Variants in LVRN observed in about 807,000 individuals in gnomAD.
The protein encoded by LVRN is laeverin.
In LVRN, 99 loss-of-function variants were observed where a neutral mutation model predicts 111.4. The ratio of observed to expected loss-of-function variants is 0.89; its 90% CI spans 0.76 to 1.05. The LOEUF is 1.05. LVRN is among the 50% of genes least tolerant of loss of function. The pLI is 0.00. For missense variants in LVRN, 1,414 were observed against 1,206.8 expected (o/e 1.17, Z -2.54); for synonymous variants, 488 against 449.5 (o/e 1.09, Z -1.08).
intron 1 of LVRN, among the ~76,000 whole-genome samples, chr5:115,969,681 T>C (rs1289656749): frequency 6.6e-6 from 1 of 151,478 alleles, no homozygotes; most frequent in Non-Finnish European, 1.5e-5. Context: ...GCACCTGTAG[T>C]CCCAGCTACT....
chr5:116,013,138 C>T (rs1192242295), intron 15 of LVRN, among the ~76,000 whole-genome samples: 2 of 152,118 alleles, frequency 1.3e-5, no homozygotes, highest in Non-Finnish European at 2.9e-5. Flanking sequence ...ATTATACCTA[C>T]AACTTCTGGT....
At chr5:115,987,515 C>A (rs138095312) in intron 3 of LVRN, among the ~76,000 whole-genome samples, 2 of 152,252 alleles carry the variant, frequency 1.3e-5, no homozygotes, top group African/African-American at 2.4e-5. Flanking sequence ...AGAATCTACA[C>A]TTACTGTAGG....
chr5:115,984,407 T>C (rs185153068), intron 2 of LVRN, among the ~76,000 whole-genome samples, 163 bp from the exon 3 acceptor site: 18 of 152,256 alleles, frequency 1.2e-4, no homozygotes, highest in South Asian at 2.1e-4. Flanking sequence ...ATTTTCCTAA[T>C]GTGGTTTTGG....
rs560723781 is a variant in LVRN at position 115,990,887 on chromosome 5, A to C, written c.1106-1236A>C. ...ATGCCTGGCTAAAATGTTTAATATA[A>C]ATAGACTATTTTTAGAGCAGTTTAA... On this transcript the variant is annotated intron_variant, in intron 4 of 19. Coordinates refer to ENST00000357872, the MANE Select transcript of LVRN (RefSeq NM_173800.5). Among the ~76,000 whole-genome samples the C allele has an allele frequency of 8.9e-4, 135 of 152,290 alleles. 1 individual carries two copies. Among genetic ancestry groups the C allele is most frequent in the African/African-American group, 3.1e-3 (130 of 41,560 alleles).
Position 115,986,207 on chromosome 5 carries a change from G to T in LVRN, c.978+1498G>T, listed in dbSNP as rs548707058. ...ATTGAATAATTACTAGTAGAACCTT[G>T]TCATCTACAAATATAACACTGGCCA... On this transcript the variant is annotated intron_variant, in intron 3 of 19. Coordinates refer to ENST00000357872, the MANE Select transcript of LVRN (RefSeq NM_173800.5). 1.3e-4 allele frequency among the ~76,000 whole-genome samples: 20 copies of T among 152,272 alleles called. No individual in the cohort carries two copies. In the South Asian group the frequency reaches 3.9e-3, roughly 30 times the overall value.
At chr5:115,971,427 T>G (rs1171482789) in intron 1 of LVRN, among the ~76,000 whole-genome samples, 1 of 152,182 alleles carries the variant, frequency 6.6e-6, no homozygotes, top group Non-Finnish European at 1.5e-5. Flanking sequence ...CATAAAAACT[T>G]TCTTCTATGC....
In LVRN at chr5:116,010,677, G is replaced by A. The variant is rs542077510; in HGVS notation, c.2094-64G>A. 32 of 1,512,002 alleles carry A rather than the reference G, an allele frequency of 2.1e-5. No homozygotes were observed. The East Asian group carries it at 2.8e-4, about 13-fold the overall frequency. 93.7% of individuals were successfully genotyped at this position (1,512,002 alleles called of 1,614,324 possible). A position where few individuals can be genotyped will look rare whatever the true frequency, so the allele number is the denominator to read the frequency against. On this transcript the variant is annotated intron_variant, in intron 13 of 19. Coordinates refer to ENST00000357872, the MANE Select transcript of LVRN (RefSeq NM_173800.5). ...TGCATTGAAACATGGAACAAATATC[G>A]AACGTATGCAAATTACTTAGCAAGT...
In LVRN at chr5:116,010,878, T is replaced by C. The variant is rs765594010; in HGVS notation, c.2231T>C (p.Ile744Thr). The C allele has an allele frequency of 2.1e-5, 34 of 1,582,960 alleles. No individual in the cohort carries two copies. Among genetic ancestry groups the C allele is most frequent in the Middle Eastern group, 3.6e-4 (2 of 5,604 alleles). The part of the protein sequence containing the change: ...DLVSEVNIYD[I>T]YSLLKRYLLK... ...GTTTCTGAGGTGAACATCTATGATA[T>C]ATACTCATTATTAAAGGTAATTTCA... The change falls in exon 14 of 20, where the codon ATA becomes ACA. Residue 744 changes from isoleucine (I) to threonine (T), a missense_variant. Ile to Thr is a moderately conservative substitution (Grantham distance 89). Transcript: ENST00000357872.
chr5:116,025,143 G>A (rs971573962), intron 19 of LVRN, among the ~76,000 whole-genome samples: 11 of 152,122 alleles, frequency 7.2e-5, no homozygotes, highest in Non-Finnish European at 1.3e-4. Flanking sequence ...ACCACCTCCC[G>A]GCAGGTGTGA....
At chr5:116,003,473 A>G in intron 12 of LVRN, 93 bp downstream of exon 12, 1 of 830,732 alleles carries the variant, frequency 1.2e-6, no homozygotes, top group Non-Finnish European at 1.7e-6. Context: ...AAGAGATTCC[A>G]CCTTCATTCC....
At chr5:116,016,225 A>G (rs1393503364) in intron 18 of LVRN, among the ~76,000 whole-genome samples, 2 of 152,224 alleles carry the variant, frequency 1.3e-5, no homozygotes. Context: ...GATTGTAAGA[A>G]GGAAATAAAA....
intron 17 of LVRN, 31 bp downstream of exon 17, chr5:116,015,450 C>A: frequency 1.3e-6 from 2 of 1,512,552 alleles, no homozygotes; most frequent in Non-Finnish European, 8.8e-7. Context: ...TTGAAAGTTT[C>A]TGTTATAGGA....
At chr5:115,968,897 A>C (rs1383939642) in intron 1 of LVRN, among the ~76,000 whole-genome samples, 1 of 152,190 alleles carries the variant, frequency 6.6e-6, no homozygotes, top group Non-Finnish European at 1.5e-5. Flanking sequence ...AGTTCTGTAG[A>C]GTGTGAGTGG....
At chr5:116,021,821 T>C (rs1364386344) in intron 18 of LVRN, 1 of 396,130 alleles carries the variant, frequency 2.5e-6, no homozygotes, top group African/African-American at 2.1e-5. Flanking sequence ...TTCTAGATAT[T>C]CAGGGACACT....
In LVRN at chr5:115,993,872, G is replaced by A; in HGVS notation, c.1374+18G>A. On this transcript the variant is annotated intron_variant, in intron 6 of 19. Transcript: ENST00000357872. ...TCCCAAGAGTAAGTATGTTTACTAA[G>A]TTTATTTAACATTTTTCTCCTAATT... 7.0e-7 allele frequency: 1 copy of A among 1,430,568 alleles called. No homozygotes were observed. The highest frequency in any genetic ancestry group is 9.6e-7 in the Non-Finnish European group (1 of 1,046,562). The allele number at this position is 1,430,568 out of a possible 1,614,324, so 88.6% of individuals were successfully genotyped here.
At chr5:116,011,990 G>A (rs1007719588) in intron 14 of LVRN, among the ~76,000 whole-genome samples, 6 of 152,046 alleles carry the variant, frequency 3.9e-5, no homozygotes, top group South Asian at 2.1e-4. Context: ...ATGGTAGAAA[G>A]GCTATTTTAT....
chr5:115,987,301 G>A (rs1478986402), intron 3 of LVRN, among the ~76,000 whole-genome samples: 1 of 152,088 alleles, frequency 6.6e-6, no homozygotes, highest in Non-Finnish European at 1.5e-5. Flanking sequence ...TTTAAATTAG[G>A]AGAATTAACC....
rs765722673 is a variant in LVRN, at chr5:116,012,366, G to T, written c.2248-8G>T. 7.9e-6 allele frequency: 11 copies of T among 1,387,330 alleles called. 1 individual carries two copies. The South Asian group carries it at 1.4e-4, about 17-fold the overall frequency. 85.9% of individuals were successfully genotyped at this position (1,387,330 alleles called of 1,614,324 possible). A position where few individuals can be genotyped will look rare whatever the true frequency, so the allele number is the denominator to read the frequency against. On this transcript the variant is annotated splice_region_variant and splice_polypyrimidine_tract_variant and intron_variant, in intron 14 of 19. Coordinates refer to ENST00000357872, the MANE Select transcript of LVRN (RefSeq NM_173800.5). Reference sequence around the variant, plus strand: ...GAACTAACAGTGTATTTTCTTTATTGTTTATAGAGGTACCTATTAAAGAGA... The same window carrying T: ...GAACTAACAGTGTATTTTCTTTATTTTTTATAGAGGTACCTATTAAAGAGA...
At chr5:115,995,612 T>A (rs568660470) in intron 6 of LVRN, 63 of 152,362 alleles carry the variant, frequency 4.1e-4, no homozygotes, top group African/African-American at 1.5e-3. Flanking sequence ...GCTGTCTGGG[T>A]CTAGTCTGAT....
Sources: gnomAD v4.1 joint callset for allele counts (sites outside exome capture counted in the v4.1 genomes callset) on GRCh38, gnomAD v4.1.1 for gene constraint, MANE v1.5 for transcripts, NCBI Gene and HGNC (gene_info 2026-07-23, HGNC 2026-07-21) for gene names.